MRTFB: variants seen among roughly 807,000 people sequenced by gnomAD.
MRTFB encodes myocardin related transcription factor B.
A neutral mutation model predicts 104.2 loss-of-function variants in MRTFB; 29 were observed. The observed-to-expected ratio is 0.28, with a 90% CI of 0.21 to 0.38. MRTFB has a LOEUF of 0.38. MRTFB is among the 10% of genes least tolerant of loss of function. MRTFB has a pLI of 1.00. For missense variants in MRTFB, 1,270 were observed against 1,341.6 expected (o/e 0.95, Z 0.83); for synonymous variants, 535 against 519.5 (o/e 1.03, Z -0.41).
intron 3 of MRTFB, among the ~76,000 whole-genome samples, chr16:14,176,972 A>G (rs560869220): frequency 6.6e-6 from 1 of 152,358 alleles, no homozygotes; most frequent in African/African-American, 2.4e-5. Context: ...GGCTTCTGAA[A>G]GAGACTGATA....
chr16:14,253,262 C>G lies in MRTFB; in HGVS notation c.2703+760C>G, dbSNP rs765882384. ...TAAAGCTTTCTGTCAAAGCTTAAAA[C>G]TAACCTTTGAGGGAAGAACCCCAGC... On this transcript the variant is annotated intron_variant, in intron 15 of 16. Transcript: ENST00000571589. 1.1e-3 allele frequency among the ~76,000 whole-genome samples: 166 copies of G among 152,298 alleles called. 1 individual carries two copies. The highest frequency in any genetic ancestry group is 1.2e-3 in the Admixed American group (19 of 15,308).
At chr16:14,053,365 G>A in the MRTFB span, among the ~76,000 whole-genome samples, 1 of 152,040 alleles carries the variant, frequency 6.6e-6, no homozygotes, top group Admixed American at 6.6e-5. Context: ...TGGCTATTGT[G>A]AATAGCACTG....
intron 10 of MRTFB, among the ~76,000 whole-genome samples, chr16:14,242,967 C>G (rs769009543): frequency 1.3e-4 from 20 of 151,908 alleles, no homozygotes; most frequent in Non-Finnish European, 5.9e-5. Context: ...ACTACTCTTA[C>G]GTAATAAAGC....
At position 14,153,679 on chromosome 16, in the gene MRTFB, G is replaced by A. The variant is rs569169808; in HGVS notation, c.154+12919G>A. 2.5e-4 allele frequency among the ~76,000 whole-genome samples: 38 copies of A among 152,232 alleles called. No homozygotes were observed. In the East Asian group the frequency reaches 6.6e-3, roughly 26 times the overall value. On this transcript the variant is annotated intron_variant, in intron 3 of 16. Transcript: ENST00000571589. ...AAGAACTGAGTCTTAAATTATAACT[G>A]TCAGGGTCCAGTGGTGTTATTACAC...
intron 3 of MRTFB, chr16:14,141,355 A>G (rs2037987370): frequency 6.6e-6 from 1 of 151,262 alleles, no homozygotes; most frequent in Non-Finnish European, 1.5e-5. Flanking sequence ...AGAAGACACA[A>G]TACTGTCAAT....
the MRTFB span, among the ~76,000 whole-genome samples, chr16:14,034,434 C>T: frequency 2.0e-4 from 31 of 151,980 alleles, no homozygotes; most frequent in Admixed American, 1.8e-3. Context: ...GCCAACATGG[C>T]GAAACCCCGT....
intron 2 of MRTFB, among the ~76,000 whole-genome samples, chr16:14,098,220 C>G (rs575040438): frequency 1.3e-5 from 2 of 152,212 alleles, no homozygotes; most frequent in African/African-American, 4.8e-5. Flanking sequence ...CATGAGAATT[C>G]CAGTTGCTCT....
chr16:14,135,154 T>C (rs542290023), intron 2 of MRTFB, among the ~76,000 whole-genome samples: 8 of 152,290 alleles, frequency 5.3e-5, no homozygotes, highest in African/African-American at 1.9e-4. Flanking sequence ...TCTTTGTGAG[T>C]AGCCCCTCAC....
At chr16:14,206,336 C>T (rs570316217) in intron 3 of MRTFB, among the ~76,000 whole-genome samples, 2 of 152,306 alleles carry the variant, frequency 1.3e-5, no homozygotes, top group South Asian at 2.1e-4. Flanking sequence ...CATGTTCTTC[C>T]TGGATGGTCT....
At chr16:14,253,762 C>G (rs1027179951) in intron 15 of MRTFB, among the ~76,000 whole-genome samples, 2 of 152,148 alleles carry the variant, frequency 1.3e-5, no homozygotes, top group African/African-American at 4.8e-5. Flanking sequence ...TCCCTGAGTA[C>G]CGAGGGAACG....
intron 2 of MRTFB, among the ~76,000 whole-genome samples, chr16:14,127,929 A>ATTTTTTTTTT (rs67001306): frequency 6.7e-5 from 3 of 44,640 alleles, no homozygotes; most frequent in Non-Finnish European, 6.6e-5. Context: ...ATATATATAT[A>ATTTTTTTTTT]TTTTTTTTTT....
chr16:14,138,191 A>G (rs1322209127), intron 2 of MRTFB, among the ~76,000 whole-genome samples: 1 of 152,158 alleles, frequency 6.6e-6, no homozygotes, highest in East Asian at 1.9e-4. Flanking sequence ...TTACATCTAC[A>G]TGTAGTGTAA....
chr16:14,240,684 C>A, intron 10 of MRTFB, 200 bp downstream of exon 10: 1 of 912,798 alleles, frequency 1.1e-6, no homozygotes, highest in Non-Finnish European at 1.8e-6. Flanking sequence ...TTCTGTCCTC[C>A]AAAATAGGTT....
intron 8 of MRTFB, among the ~76,000 whole-genome samples, chr16:14,221,434 AC>A (rs1375381488): frequency 2.0e-5 from 3 of 152,234 alleles, no homozygotes; most frequent in African/African-American, 7.2e-5. Flanking sequence ...CATACTCAGC[AC>A]AGGGGTCCAG....
rs759226230 is a variant in MRTFB at position 14,177,901 on chromosome 16, A to AGG, written c.155-32340_155-32339dup. ...AGCGAGAAGTACATGAACCAGAGGT[A>AGG]GGGTGTGTGTGTGTGTGTGTGTGTG... On this transcript the variant is annotated intron_variant, in intron 3 of 16. Coordinates refer to ENST00000571589, the MANE Select transcript of MRTFB (RefSeq NM_001308142.2). The surrounding 1 kb of genome is among the most constrained non-coding windows in gnomAD (Gnocchi z 4.7). Among the ~76,000 whole-genome samples the AGG allele has an allele frequency of 0.018, 1,193 of 67,488 alleles. 12 individuals are homozygous for AGG. Among genetic ancestry groups the AGG allele is most frequent in the African/African-American group, 0.061 (1,057 of 17,246 alleles). 44.3% of individuals were successfully genotyped at this position (67,488 alleles called of 152,430 possible).
At chr16:14,047,060 C>A in the MRTFB span, among the ~76,000 whole-genome samples, 2 of 152,250 alleles carry the variant, frequency 1.3e-5, no homozygotes, top group Middle Eastern at 3.4e-3. Flanking sequence ...ATAAGACAGA[C>A]GTGAATTCCT....
chr16:14,197,126 G>A (rs1338175964), intron 3 of MRTFB, among the ~76,000 whole-genome samples: 1 of 151,360 alleles, frequency 6.6e-6, no homozygotes, highest in African/African-American at 2.4e-5. Context: ...TTACAATCGT[G>A]CCCCACCACG....
chr16:14,159,755 C>A (rs1377874246), intron 3 of MRTFB, among the ~76,000 whole-genome samples: 1 of 151,246 alleles, frequency 6.6e-6, no homozygotes, highest in Non-Finnish European at 1.5e-5. Flanking sequence ...CGGTGAAACC[C>A]CGTCTCTACT....
At chr16:14,259,486 C>G (rs1027030037) in intron 16 of MRTFB, among the ~76,000 whole-genome samples, 1 of 151,634 alleles carries the variant, frequency 6.6e-6, no homozygotes, top group South Asian at 2.1e-4. Flanking sequence ...CTTGTGACAC[C>G]GTGCCTTGCC....
Sources: gnomAD v4.1 joint callset for allele counts (sites outside exome capture counted in the v4.1 genomes callset) on GRCh38, gnomAD v4.1.1 for gene constraint, Gnocchi (gnomAD v3.1) non-coding constraint, MANE v1.5 for transcripts, NCBI Gene and HGNC (gene_info 2026-07-23, HGNC 2026-07-21) for gene names.